Variants in MSH3 observed in about 807,000 individuals in gnomAD.
MSH3 encodes DNA mismatch repair protein Msh3.
MSH3 carries 106 observed loss-of-function variants against 123.3 expected under a neutral mutation model. The ratio of observed to expected loss-of-function variants is 0.86; its 90% confidence interval spans 0.73 to 1.01. The LOEUF (loss-of-function observed/expected upper bound fraction) is 1.01, where lower values mean the gene tolerates loss of function less well. Ranked by LOEUF, MSH3 falls within the 50% of genes least tolerant of loss-of-function variation. The pLI is 0.00. For missense variants in MSH3, 1,459 were observed against 1,347.6 expected, an observed-to-expected ratio of 1.08 and a Z score of -1.29; for synonymous variants, 515 against 481.4, an observed-to-expected ratio of 1.07 and a Z score of -0.91.
intron 20 of MSH3, among the ~76,000 whole-genome samples, chr5:80,821,128 T>C (rs1004348113): frequency 6.6e-6 from 1 of 152,210 alleles, no homozygotes; most frequent in Admixed American, 6.5e-5. Context: ...TCCTTGGTAA[T>C]ATTAGTTACA....
chr5:80,792,923 A>G (rs534326757), intron 19 of MSH3, 79 bp downstream of exon 19: 1 of 929,498 alleles, frequency 1.1e-6, no homozygotes, highest in Non-Finnish European at 1.7e-6. Flanking sequence ...TTTATAATTA[A>G]AAGTTACCCA....
rs41559616 is a variant in MSH3 at position 80,761,534 on chromosome 5, C to CT, written c.1764-8dup. ...AACATATCTGATTATTGCTATTACT[C>CT]TTTTCTCACAGGGAAATAAATGCCC... On this transcript the variant is annotated splice_polypyrimidine_tract_variant and intron_variant, in intron 12 of 23. Transcript: ENST00000265081. 2 of 1,613,920 alleles carry CT rather than the reference C, an allele frequency of 1.2e-6. No individual in the cohort carries two copies. Among genetic ancestry groups the CT allele is most frequent in the South Asian group, 1.1e-5 (1 of 91,076 alleles).
chr5:80,843,059 T>C (rs1475267055), intron 20 of MSH3, among the ~76,000 whole-genome samples: 1 of 152,200 alleles, frequency 6.6e-6, no homozygotes, highest in Non-Finnish European at 1.5e-5. Context: ...ATAGCTCTTA[T>C]TATTTTGAGA....
At chr5:80,776,975 A>G (rs1322540139) in intron 16 of MSH3, among the ~76,000 whole-genome samples, 1 of 147,806 alleles carries the variant, frequency 6.8e-6, no homozygotes, top group Non-Finnish European at 1.5e-5. Flanking sequence ...TTCGTCAGCC[A>G]GGCTGGAGTG....
At chr5:80,694,896 ATTTT>A (rs35665355) in intron 8 of MSH3, among the ~76,000 whole-genome samples, 1 of 135,682 alleles carries the variant, frequency 7.4e-6, no homozygotes, top group Non-Finnish European at 1.6e-5. Context: ...GCTGTCAAGA[ATTTT>A]TTTTTTTTTT....
chr5:80,751,854 C>G (rs1743845591), intron 12 of MSH3, among the ~76,000 whole-genome samples: 1 of 152,084 alleles, frequency 6.6e-6, no homozygotes, highest in African/African-American at 2.4e-5. Flanking sequence ...TCCAGATTTT[C>G]TTCCTTTTGG....
chr5:80,784,212 C>CAAAAAAAAAAAAAAAA (rs1192783960), intron 17 of MSH3, among the ~76,000 whole-genome samples: 14 of 11,988 alleles, frequency 1.2e-3, no homozygotes, highest in African/African-American at 4.2e-3. Context: ...TACTACGTCG[C>CAAAAAAAAAAAAAAAA]AAAAAAAAAA....
At chr5:80,736,180 C>T (rs796719517) in intron 10 of MSH3, among the ~76,000 whole-genome samples, 3 of 152,144 alleles carry the variant, frequency 2.0e-5, no homozygotes, top group African/African-American at 7.2e-5. Flanking sequence ...GAGCCGAGAT[C>T]GCGCCATTGC....
intron 20 of MSH3, among the ~76,000 whole-genome samples, chr5:80,815,933 A>G (rs1010518750): frequency 6.6e-6 from 1 of 152,228 alleles, no homozygotes; most frequent in East Asian, 1.9e-4. Flanking sequence ...TGATATATTT[A>G]CAATATTAGT....
chr5:80,788,587 C>T (rs2112021620), intron 18 of MSH3, among the ~76,000 whole-genome samples: 1 of 152,096 alleles, frequency 6.6e-6, no homozygotes, highest in South Asian at 2.1e-4. Flanking sequence ...GAGGCAGGAA[C>T]ATCTCTTGAA....
chr5:80,762,825 G>GATATGTTATGTTATGTTATT (rs1744063518), intron 13 of MSH3, among the ~76,000 whole-genome samples: 1 of 140,412 alleles, frequency 7.1e-6, no homozygotes, highest in South Asian at 2.3e-4. Flanking sequence ...GTTATGTTAT[G>GATATGTTATGTTATGTTATT]TTATGTTATT....
At chr5:80,770,522 A>G (rs928824844) in intron 15 of MSH3, among the ~76,000 whole-genome samples, 7 of 152,166 alleles carry the variant, frequency 4.6e-5, no homozygotes, top group African/African-American at 1.7e-4. Flanking sequence ...GTGCCTACAT[A>G]TATTATTTAA....
intron 8 of MSH3, among the ~76,000 whole-genome samples, chr5:80,693,692 C>T (rs187455936): frequency 1.3e-5 from 2 of 151,970 alleles, no homozygotes; most frequent in Admixed American, 1.3e-4. Flanking sequence ...GAGTCTCACT[C>T]TGTCACCCAG....
chr5:80,699,413 G>A (rs1030294619), intron 8 of MSH3, among the ~76,000 whole-genome samples: 9 of 152,050 alleles, frequency 5.9e-5, no homozygotes, highest in Middle Eastern at 6.8e-3. Context: ...ACAAAAATTA[G>A]TTGGGTGTGG....
At chr5:80,768,200 A>G (rs747532230) in intron 14 of MSH3, 80 bp downstream of exon 14, 127 of 1,238,008 alleles carry the variant, frequency 1.0e-4, no homozygotes, top group Non-Finnish European at 1.3e-4. Flanking sequence ...TGGATTCTTA[A>G]TCTTTACTAG....
chr5:80,768,946 A>C lies in MSH3; in HGVS notation c.2196A>C (p.Glu732Asp), dbSNP rs1744170638. 1.2e-6 allele frequency: 2 copies of C among 1,613,168 alleles called. No homozygotes were observed. Among genetic ancestry groups the C allele is most frequent in the Non-Finnish European group, 1.7e-6 (2 of 1,179,358 alleles). Residue 732 changes from glutamate to aspartate, a missense_variant, in exon 15 of 24, where the codon GAA (glutamate) becomes GAC (aspartate). Transcript: ENST00000265081. ...ACGAGATCCGAATGCATTTGCAAGAAATACGAAAAATACTAAAAAATCCTT... is the reference window on the plus strand; with the variant it reads ...ACGAGATCCGAATGCATTTGCAAGACATACGAAAAATACTAAAAAATCCTT... ...VIDEIRMHLQ[E>D]IRKILKNPSA...
chr5:80,694,154 C>T (rs1561446425), intron 8 of MSH3, among the ~76,000 whole-genome samples: 1 of 152,264 alleles, frequency 6.6e-6, no homozygotes, highest in Admixed American at 6.5e-5. Flanking sequence ...GGACAAACAG[C>T]TTTCCATACT....
intron 8 of MSH3, among the ~76,000 whole-genome samples, chr5:80,681,514 A>G (rs1300081597): frequency 6.6e-6 from 1 of 151,980 alleles, no homozygotes; most frequent in Non-Finnish European, 1.5e-5. Flanking sequence ...CAGTATTTGT[A>G]ATACTGAAAA....
chr5:80,804,662 C>T (rs989753816), intron 19 of MSH3, among the ~76,000 whole-genome samples: 4 of 152,212 alleles, frequency 2.6e-5, no homozygotes, highest in African/African-American at 7.2e-5. Context: ...CCACCTAGAG[C>T]TGAGGGAGGG....
Sources: gnomAD v4.1 joint callset for allele counts (sites outside exome capture counted in the v4.1 genomes callset) on GRCh38, gnomAD v4.1.1 for gene constraint, MANE v1.5 for transcripts, NCBI Gene and HGNC (gene_info 2026-07-23, HGNC 2026-07-21) for gene names.